The following USP34 variants were observed in gnomAD, a reference collection of about 807,000 sequenced individuals.
USP34 encodes ubiquitin carboxyl-terminal hydrolase 34.
A neutral mutation model predicts 460.3 loss-of-function variants in USP34; 70 were observed. The ratio of observed to expected loss-of-function variants is 0.15; its 90% confidence interval spans 0.13 to 0.19. The LOEUF is 0.19. USP34 is among the 10% of genes least tolerant of loss of function. The pLI is 1.00. For synonymous variants in USP34, 1,647 were observed against 1,405.3 expected, an observed-to-expected ratio of 1.17 and a Z score of -3.85; for missense variants, 3,985 against 4,236.2, an observed-to-expected ratio of 0.94 and a Z score of 1.65.
At chr2:61,398,271 G>A (rs765814455) in intron 3 of USP34, among the ~76,000 whole-genome samples, 3 of 152,056 alleles carry the variant, frequency 2.0e-5, no homozygotes, top group South Asian at 2.1e-4. Context: ...GGAGGCTGAG[G>A]CGGGAGGATT....
intron 53 of USP34, among the ~76,000 whole-genome samples, chr2:61,241,084 A>C (rs1688243051): frequency 1.3e-5 from 2 of 151,428 alleles, no homozygotes; most frequent in Admixed American, 1.3e-4. Flanking sequence ...TTGCTCTGTC[A>C]CCCAGGCTGG....
chr2:61,303,747 C>G (rs904555672), intron 27 of USP34, among the ~76,000 whole-genome samples: 6 of 151,994 alleles, frequency 3.9e-5, no homozygotes, highest in African/African-American at 1.4e-4. Flanking sequence ...CAGGCGCCTG[C>G]CACCACGCCT....
intron 10 of USP34, among the ~76,000 whole-genome samples, chr2:61,369,538 G>C (rs1292337912): frequency 1.3e-5 from 2 of 151,406 alleles, no homozygotes; most frequent in Admixed American, 6.6e-5. Context: ...AGCTATTCAG[G>C]AGCGTGAGGC....
At chr2:61,337,223 G>A (rs78294806) in intron 18 of USP34, among the ~76,000 whole-genome samples, 1 of 152,000 alleles carries the variant, frequency 6.6e-6, no homozygotes. Flanking sequence ...GAACTCACCT[G>A]TTTTTACATG....
rs1288403022 is a variant in USP34 at position 61,222,609 on chromosome 2, G to A, written c.7794+10C>T. 3 of 1,607,808 alleles carry A rather than the reference G, an allele frequency of 1.9e-6. No individual in the cohort carries two copies. Among genetic ancestry groups the A allele is most frequent in the Non-Finnish European group, 2.6e-6 (3 of 1,175,312 alleles). On this transcript the variant is annotated intron_variant, in intron 65 of 79. Transcript: ENST00000398571. ...GTTTTAAAAACATAAATTAACAAAT[G>A]TTTACATACCTCAGGAGTCAACTTT...
chr2:61,462,275 G>A (rs374617346), intron 1 of USP34, among the ~76,000 whole-genome samples: 42 of 150,988 alleles, frequency 2.8e-4, no homozygotes, highest in South Asian at 4.2e-4. Context: ...TCAGCCAGGC[G>A]TGGTGGCTCA....
intron 62 of USP34, among the ~76,000 whole-genome samples, chr2:61,226,126 T>G: frequency 6.6e-6 from 1 of 152,196 alleles, no homozygotes; most frequent in East Asian, 1.9e-4. Context: ...CACACCTGGC[T>G]GAGGGCCATT....
At chr2:61,458,828 G>A (rs1695514043) in intron 1 of USP34, among the ~76,000 whole-genome samples, 1 of 152,092 alleles carries the variant, frequency 6.6e-6, no homozygotes, top group South Asian at 2.1e-4. Flanking sequence ...AGCACTTTGG[G>A]AGGCCAAGGC....
At chr2:61,212,728 T>C (rs1687303979) in intron 68 of USP34, among the ~76,000 whole-genome samples, 1 of 152,108 alleles carries the variant, frequency 6.6e-6, no homozygotes, top group South Asian at 2.1e-4. Flanking sequence ...TTCTAATAGA[T>C]AAGGACATTC....
At chr2:61,204,224 G>C (rs1558464542) in intron 74 of USP34, 32 bp downstream of exon 74, 1 of 1,613,858 alleles carries the variant, frequency 6.2e-7, no homozygotes, top group Admixed American at 1.7e-5. Context: ...TTGTACTATA[G>C]CAACATGGAT....
intron 67 of USP34, among the ~76,000 whole-genome samples, chr2:61,217,480 T>A (rs1572843431): frequency 6.6e-6 from 1 of 152,236 alleles, no homozygotes; most frequent in Admixed American, 6.5e-5. Flanking sequence ...TGGACTCTTA[T>A]CAAGTTACAG....
At chr2:61,415,037 G>A (rs1048260125) in intron 2 of USP34, among the ~76,000 whole-genome samples, 1 of 152,172 alleles carries the variant, frequency 6.6e-6, no homozygotes, top group African/African-American at 2.4e-5. Flanking sequence ...TGTGTGGGGA[G>A]GTTGCAAAGC....
Position 61,190,022 on chromosome 2 carries a change from C to CAG in USP34, c.9873+248_9873+249insCT, listed in dbSNP as rs1572819838. 6 of 378,514 alleles carry CAG rather than the reference C, an allele frequency of 1.6e-5. No individual in the cohort carries two copies. In the East Asian group the frequency reaches 2.5e-4, roughly 16 times the overall value. 23.4% of individuals were successfully genotyped at this position (378,514 alleles called of 1,614,324 possible). A position where few individuals can be genotyped will look rare whatever the true frequency, so the allele number is the denominator to read the frequency against. On this transcript the variant is annotated intron_variant, in intron 78 of 79. Coordinates refer to ENST00000398571, the MANE Select transcript of USP34 (RefSeq NM_014709.4). Reference sequence around the variant, plus strand: ...AAAATATACCCAACTAGAGATAAGACCACTAAGATGTTCCCTTTATTACCT... The same window carrying CAG: ...AAAATATACCCAACTAGAGATAAGACAGCACTAAGATGTTCCCTTTATTACCT...
At chr2:61,254,316 CT>C (rs1219786972) in intron 48 of USP34, among the ~76,000 whole-genome samples, 7 of 152,174 alleles carry the variant, frequency 4.6e-5, no homozygotes, top group Admixed American at 2.0e-4. Flanking sequence ...TTTAGGTTGG[CT>C]TAGCTCTTAA....
chr2:61,406,323 T>A (rs1446081522), intron 2 of USP34, among the ~76,000 whole-genome samples, 195 bp from the exon 3 acceptor site: 2 of 152,136 alleles, frequency 1.3e-5, no homozygotes, highest in African/African-American at 4.8e-5. Flanking sequence ...TGTAAAGTCA[T>A]CATGTTAGGT....
intron 37 of USP34, 96 bp downstream of exon 37, chr2:61,283,049 C>A: frequency 7.8e-7 from 1 of 1,287,260 alleles, no homozygotes. Flanking sequence ...TTTATGGACT[C>A]ACGCATATTT....
At chr2:61,401,219 T>C (rs530212783) in intron 3 of USP34, among the ~76,000 whole-genome samples, 15 of 151,006 alleles carry the variant, frequency 9.9e-5, no homozygotes, top group Admixed American at 8.6e-4. Flanking sequence ...GATTATACCA[T>C]ACGTATATTT....
intron 38 of USP34, 141 bp from the exon 39 acceptor site, chr2:61,280,489 C>T (rs1689502806): frequency 2.5e-6 from 1 of 399,126 alleles, no homozygotes; most frequent in Non-Finnish European, 4.4e-6. Flanking sequence ...ATGGAGTACA[C>T]GCTTAGTTTC....
At chr2:61,378,931 A>C (rs1346848140) in intron 7 of USP34, among the ~76,000 whole-genome samples, 32 of 149,374 alleles carry the variant, frequency 2.1e-4, no homozygotes, top group Non-Finnish European at 2.7e-4. Context: ...AAAAAAAAAA[A>C]AAAAAACAAC....
Sources: gnomAD v4.1 joint callset for allele counts (sites outside exome capture counted in the v4.1 genomes callset) on GRCh38, gnomAD v4.1.1 for gene constraint, MANE v1.5 for transcripts, NCBI Gene and HGNC (gene_info 2026-07-23, HGNC 2026-07-21) for gene names.